Variants in PTPRD observed in about 807,000 individuals in gnomAD.
PTPRD encodes protein tyrosine phosphatase receptor type D.
In PTPRD, 34 loss-of-function variants were observed where a neutral mutation model predicts 214.5. The ratio of observed to expected loss-of-function variants is 0.16; its 90% CI spans 0.12 to 0.21. The LOEUF (loss-of-function observed/expected upper bound fraction) is 0.21, where lower values mean the gene tolerates loss of function less well. PTPRD is among the 10% of genes least tolerant of loss of function. PTPRD has a pLI of 1.00. For synonymous variants in PTPRD, 1,128 were observed against 845.7 expected (o/e 1.33, Z -5.79); for missense variants, 2,545 against 2,398.7 (o/e 1.06, Z -1.27).
Position 9,260,371 on chromosome 9 carries a change from T to C in PTPRD, c.-202-77008A>G, listed in dbSNP as rs2099979560. Among the ~76,000 whole-genome samples the C allele has an allele frequency of 2.0e-5, 3 of 151,778 alleles. No homozygotes were observed. The South Asian group carries it at 6.2e-4, about 31-fold the overall frequency. On this transcript the variant is annotated intron_variant, in intron 9 of 45. Coordinates refer to ENST00000381196, the MANE Select transcript of PTPRD (RefSeq NM_002839.4). ...TCATGATTCAAGTAGAAAACCGAAA[T>C]CACGTTTATTAAAATTACCTATTTC...
chr9:10,044,822 G>C (rs1308576193), intron 3 of PTPRD, among the ~76,000 whole-genome samples: 1 of 151,558 alleles, frequency 6.6e-6, no homozygotes, highest in African/African-American at 2.4e-5. Flanking sequence ...AACTTCATTG[G>C]AATAGACAAG....
chr9:9,256,401 AT>A (rs535599969), intron 9 of PTPRD, among the ~76,000 whole-genome samples: 12 of 150,946 alleles, frequency 7.9e-5, no homozygotes, highest in Admixed American at 2.0e-4. Flanking sequence ...TGGTCCTTAC[AT>A]TTTTTTTCTC....
rs1478731815 is a variant in PTPRD at position 10,490,976 on chromosome 9, CT to C, written c.-600+121421del. Among the ~76,000 whole-genome samples the C allele has an allele frequency of 2.6e-4, 40 of 152,234 alleles. 1 individual carries two copies. The highest frequency in any genetic ancestry group is 6.5e-4 in the Admixed American group (10 of 15,280). On this transcript the variant is annotated intron_variant, in intron 2 of 45. Transcript: ENST00000381196. ...TATCTTAATACTGTACACATAATCA[CT>C]AGATTTACACACATATACAAACATA...
At chr9:10,568,565 T>G (rs1591129856) in intron 2 of PTPRD, among the ~76,000 whole-genome samples, 1 of 152,136 alleles carries the variant, frequency 6.6e-6, no homozygotes, top group Non-Finnish European at 1.5e-5. Flanking sequence ...ATGGTTGAAC[T>G]AGTTTACAGT....
At chr9:9,181,993 T>C (rs1593066723) in intron 10 of PTPRD, among the ~76,000 whole-genome samples, 1 of 152,002 alleles carries the variant, frequency 6.6e-6, no homozygotes, top group African/African-American at 2.4e-5. Context: ...AGTAGTATTT[T>C]AAGAGAGTCA....
intron 5 of PTPRD, among the ~76,000 whole-genome samples, chr9:9,838,684 G>A (rs1001251207): frequency 1.3e-5 from 2 of 149,242 alleles, no homozygotes; most frequent in African/African-American, 4.9e-5. Context: ...CAGATGAGTA[G>A]GTTGTGAAAA....
intron 2 of PTPRD, among the ~76,000 whole-genome samples, chr9:10,389,941 T>C (rs1043601295): frequency 1.3e-5 from 2 of 151,818 alleles, no homozygotes; most frequent in Non-Finnish European, 2.9e-5. Flanking sequence ...ATCTAATGAT[T>C]CCATTATTAA....
intron 21 of PTPRD, among the ~76,000 whole-genome samples, chr9:8,516,826 G>A (rs926852043): frequency 1.9e-5 from 2 of 107,372 alleles, no homozygotes; most frequent in African/African-American, 7.1e-5. Context: ...TTTTTTTTGA[G>A]ATGGAGTCTT....
At chr9:8,487,878 AG>A (rs2097063209) in intron 27 of PTPRD, among the ~76,000 whole-genome samples, 1 of 151,098 alleles carries the variant, frequency 6.6e-6, no homozygotes, top group Non-Finnish European at 1.5e-5. Flanking sequence ...CTACGGGGGG[AG>A]GGGGGAAGGC....
chr9:9,055,076 A>T (rs542655869), intron 10 of PTPRD, among the ~76,000 whole-genome samples: 10 of 152,188 alleles, frequency 6.6e-5, no homozygotes, highest in Non-Finnish European at 1.5e-4. Context: ...GTGCAGCTAT[A>T]TGGAAGAGTA....
intron 3 of PTPRD, among the ~76,000 whole-genome samples, chr9:10,296,605 C>T (rs1171077364): frequency 1.3e-5 from 2 of 152,100 alleles, no homozygotes; most frequent in Admixed American, 6.6e-5. Context: ...CAATACTCTA[C>T]TCCTTGCCTC....
At chr9:9,569,312 G>A (rs2085608308) in intron 8 of PTPRD, among the ~76,000 whole-genome samples, 1 of 151,602 alleles carries the variant, frequency 6.6e-6, no homozygotes, top group Non-Finnish European at 1.5e-5. Context: ...GAAGAACTGA[G>A]CCACAAAGTA....
At chr9:9,459,593 C>T (rs1247284182) in intron 8 of PTPRD, among the ~76,000 whole-genome samples, 3 of 151,992 alleles carry the variant, frequency 2.0e-5, no homozygotes, top group African/African-American at 2.4e-5. Flanking sequence ...ATAACTCAAT[C>T]GCATTTAAAA....
rs144862750 is a variant in PTPRD, at chr9:10,521,603, G to A, written c.-600+90795C>T. ...GCAGAGAAATCCTTCGTGAAAATCT[G>A]AGACAATCAATGCAACAAAATCATT... On this transcript the variant is annotated intron_variant, in intron 2 of 45. Coordinates refer to ENST00000381196, the MANE Select transcript of PTPRD (RefSeq NM_002839.4). Among the ~76,000 whole-genome samples the A allele has an allele frequency of 1.6e-4, 25 of 152,242 alleles. 1 individual carries two copies. The East Asian group carries it at 4.6e-3, about 28-fold the overall frequency.
chr9:10,500,859 G>C (rs572958470), intron 2 of PTPRD, among the ~76,000 whole-genome samples: 129 of 151,996 alleles, frequency 8.5e-4, no homozygotes, highest in Non-Finnish European at 1.5e-3. Flanking sequence ...TTCCATCCAT[G>C]TTATTGCGAC....
intron 11 of PTPRD, among the ~76,000 whole-genome samples, chr9:8,772,015 C>T (rs941829979): frequency 6.6e-6 from 1 of 151,904 alleles, no homozygotes; most frequent in African/African-American, 2.4e-5. Context: ...CCCCACCTAC[C>T]CTGATGTGAT....
intron 7 of PTPRD, among the ~76,000 whole-genome samples, chr9:9,727,663 T>C (rs2098118432): frequency 6.6e-6 from 1 of 152,172 alleles, no homozygotes; most frequent in Non-Finnish European, 1.5e-5. Context: ...ATGAATATAA[T>C]GTAATTTTTG....
chr9:10,076,532 A>G (rs1383343197), intron 3 of PTPRD, among the ~76,000 whole-genome samples: 1 of 152,094 alleles, frequency 6.6e-6, no homozygotes, highest in African/African-American at 2.4e-5. Flanking sequence ...CTATAAAAAC[A>G]TGCAGTAAAT....
chr9:9,546,316 T>A (rs2078804096), intron 8 of PTPRD, among the ~76,000 whole-genome samples: 1 of 151,768 alleles, frequency 6.6e-6, no homozygotes. Flanking sequence ...TCTATATACC[T>A]TTTATTTCCT....
Sources: allele counts gnomAD v4.1 joint callset (sites outside exome capture counted in the v4.1 genomes callset), GRCh38; gene constraint gnomAD v4.1.1; transcripts MANE v1.5; gene names NCBI Gene and HGNC (gene_info 2026-07-23, HGNC 2026-07-21).